The following SPAG17 variants were observed in gnomAD, a reference collection of about 807,000 sequenced individuals.
SPAG17 encodes the protein sperm-associated antigen 17.
Under a neutral mutation model 273.6 loss-of-function variants are expected in SPAG17, and 169 were observed. The observed-to-expected ratio is 0.62, with a 90% CI of 0.55 to 0.70. The LOEUF is 0.70. SPAG17 is among the 30% of genes least tolerant of loss of function. The pLI is 0.00. For synonymous variants in SPAG17, 825 were observed against 873.2 expected (o/e 0.94, Z 0.97); for missense variants, 2,557 against 2,627.8 (o/e 0.97, Z 0.59).
At chr1:118,109,257 T>A (rs535257573) in intron 4 of SPAG17, among the ~76,000 whole-genome samples, 1 of 150,924 alleles carries the variant, frequency 6.6e-6, no homozygotes, top group South Asian at 2.1e-4. Flanking sequence ...TTCTCCTGCC[T>A]AATGTAGGCT....
intron 23 of SPAG17, 79 bp from the exon 24 acceptor site, chr1:118,036,962 A>G: frequency 1.0e-6 from 1 of 1,000,834 alleles, no homozygotes; most frequent in Non-Finnish European, 1.5e-6. Flanking sequence ...GAAGGCTGGG[A>G]ATGGAGTTCA....
chr1:118,175,758 G>T (rs2102402330), intron 1 of SPAG17, among the ~76,000 whole-genome samples: 1 of 152,176 alleles, frequency 6.6e-6, no homozygotes, highest in African/African-American at 2.4e-5. Flanking sequence ...AAACTAATGT[G>T]TAAAAAGAAA....
chr1:118,166,613 A>C (rs905363588), intron 1 of SPAG17, among the ~76,000 whole-genome samples: 4 of 152,094 alleles, frequency 2.6e-5, no homozygotes, highest in Non-Finnish European at 5.9e-5. Flanking sequence ...AAAACTCCAG[A>C]CCTTCTGCAT....
chr1:118,173,296 G>A (rs1482394598), intron 1 of SPAG17, among the ~76,000 whole-genome samples: 2 of 152,174 alleles, frequency 1.3e-5, no homozygotes, highest in Non-Finnish European at 2.9e-5. Context: ...AGGTGGTGTG[G>A]TGGTATCATG....
intron 36 of SPAG17, 86 bp from the exon 37 acceptor site, chr1:117,991,614 C>CA (rs1426102382): frequency 2.6e-5 from 20 of 781,972 alleles, no homozygotes; most frequent in East Asian, 2.2e-4. Flanking sequence ...TGAAATATTA[C>CA]AAAAAATGAA....
In SPAG17 at chr1:118,054,281, G is replaced by C. The variant is rs974009312; in HGVS notation, c.2723-188C>G. On this transcript the variant is annotated intron_variant, in intron 19 of 48. Transcript: ENST00000336338. ...GGGACTGAGCCACATCAGTGATGGGGAACTCAAGTTTCTGGGGACAGTGCA... is the reference window on the plus strand; with the variant it reads ...GGGACTGAGCCACATCAGTGATGGGCAACTCAAGTTTCTGGGGACAGTGCA... Among the ~76,000 whole-genome samples the C allele has an allele frequency of 2.9e-4, 44 of 152,122 alleles. 1 individual carries two copies. The highest frequency in any genetic ancestry group is 9.6e-4 in the African/African-American group (40 of 41,526).
intron 3 of SPAG17, among the ~76,000 whole-genome samples, chr1:118,123,281 C>T (rs1460349674): frequency 1.3e-5 from 2 of 152,038 alleles, no homozygotes; most frequent in Non-Finnish European, 2.9e-5. Context: ...CTATCCAATT[C>T]ACATTCTTTA....
intron 4 of SPAG17, among the ~76,000 whole-genome samples, chr1:118,114,449 A>G (rs1656948759): frequency 6.6e-6 from 1 of 152,198 alleles, no homozygotes; most frequent in South Asian, 2.1e-4. Context: ...AAGGTGAAGA[A>G]GGCACTATTG....
chr1:117,985,818 G>A (rs372597331), intron 40 of SPAG17, among the ~76,000 whole-genome samples: 2 of 152,240 alleles, frequency 1.3e-5, no homozygotes, highest in African/African-American at 4.8e-5. Context: ...AAAAACCAAA[G>A]CATAGAGAGG....
intron 28 of SPAG17, among the ~76,000 whole-genome samples, chr1:118,017,534 T>A (rs552811868): frequency 3.9e-5 from 6 of 152,228 alleles, no homozygotes; most frequent in African/African-American, 1.2e-4. Context: ...ACCTTGGAAT[T>A]TTTCCTACAG....
intron 18 of SPAG17, among the ~76,000 whole-genome samples, chr1:118,062,005 T>A (rs12069098): frequency 0.11 from 16,249 of 151,966 alleles, 2,382 homozygotes; most frequent in African/African-American, 0.34. Flanking sequence ...CTAAATTTTT[T>A]AAAAAATCCC....
intron 3 of SPAG17, among the ~76,000 whole-genome samples, chr1:118,117,286 TGAAAACAGGATA>T (rs1402010477): frequency 2.6e-5 from 4 of 152,126 alleles, no homozygotes; most frequent in Non-Finnish European, 5.9e-5. Context: ...TGACGACCTG[TGAAAACAGGATA>T]TTCACCTATG....
At chr1:118,115,593 A>T in intron 3 of SPAG17, 152 bp from the exon 4 acceptor site, 4 of 689,068 alleles carry the variant, frequency 5.8e-6, no homozygotes, top group Non-Finnish European at 6.9e-6. Flanking sequence ...AGGGAAAAAA[A>T]TGCCTCAATG....
intron 7 of SPAG17, among the ~76,000 whole-genome samples, chr1:118,094,285 A>G (rs747105090): frequency 6.6e-6 from 1 of 152,208 alleles, no homozygotes; most frequent in African/African-American, 2.4e-5. Flanking sequence ...CTTTTGCCCA[A>G]TGATCCCTTA....
chr1:118,009,248 AACACACACACAC>A (rs55873088), intron 30 of SPAG17, among the ~76,000 whole-genome samples: 7 of 142,604 alleles, frequency 4.9e-5, no homozygotes, highest in South Asian at 4.5e-4. Flanking sequence ...AGGTGCTCAT[AACACACACACAC>A]ACACACACAC....
chr1:118,108,431 A>G (rs1656543320), intron 4 of SPAG17, among the ~76,000 whole-genome samples: 1 of 152,170 alleles, frequency 6.6e-6, no homozygotes, highest in Non-Finnish European at 1.5e-5. Flanking sequence ...AGTTAACCAG[A>G]TCAGGCGCAT....
At chr1:118,013,855 G>C (rs544830891) in intron 29 of SPAG17, among the ~76,000 whole-genome samples, 3 of 152,168 alleles carry the variant, frequency 2.0e-5, no homozygotes, top group Admixed American at 6.5e-5. Flanking sequence ...GCCAGGTCTG[G>C]TACTAATCTT....
intron 4 of SPAG17, among the ~76,000 whole-genome samples, chr1:118,109,403 AT>A (rs1277876377): frequency 6.7e-6 from 1 of 148,954 alleles, no homozygotes; most frequent in Non-Finnish European, 1.5e-5. Context: ...AAAAAAAAAA[AT>A]TAGCCGGGTG....
intron 3 of SPAG17, among the ~76,000 whole-genome samples, chr1:118,138,036 T>G (rs1174404218): frequency 6.6e-6 from 1 of 152,182 alleles, no homozygotes; most frequent in Non-Finnish European, 1.5e-5. Context: ...TCTTTGACTA[T>G]TTGGGTAAGT....
Sources: gnomAD v4.1 joint callset for allele counts (sites outside exome capture counted in the v4.1 genomes callset) on GRCh38, gnomAD v4.1.1 for gene constraint, MANE v1.5 for transcripts, NCBI Gene and HGNC (gene_info 2026-07-23, HGNC 2026-07-21) for gene names.